ADK: variants seen among roughly 807,000 people sequenced by gnomAD.
ADK encodes adenosine kinase.
A neutral mutation model predicts 44.7 loss-of-function variants in ADK; 24 were observed. The observed-to-expected ratio is 0.54, with a 90% CI of 0.39 to 0.76. ADK has a LOEUF of 0.76. Ranked by LOEUF, ADK falls within the 30% of genes least tolerant of loss-of-function variation. The pLI is 0.00. For missense variants in ADK, 321 were observed against 425.1 expected (o/e 0.76, Z 2.15); for synonymous variants, 128 against 142.6 (o/e 0.90, Z 0.73).
chr10:74,208,572 C>T (rs1053438030), intron 2 of ADK, among the ~76,000 whole-genome samples: 4 of 152,062 alleles, frequency 2.6e-5, no homozygotes, highest in African/African-American at 9.7e-5. Flanking sequence ...TGGACCCTAA[C>T]AATAAAAGAG....
In ADK at chr10:74,567,697, TTG is replaced by T. The variant is rs1439859986; in HGVS notation, c.727-21583_727-21582del. Among the ~76,000 whole-genome samples, 405 of 130,694 alleles carry T rather than the reference TTG, an allele frequency of 3.1e-3. 8 individuals carry two copies. Among genetic ancestry groups the T allele is most frequent in the African/African-American group, 0.015 (379 of 26,000 alleles). The allele number at this position is 130,694 out of a possible 152,430, so 85.7% of individuals were successfully genotyped here. ...TCTCTCTCTGTTTTTTTTGTTTTTT[TTG>T]TTTTTTTTTTTTTTTTTGAGATGGA... On this transcript the variant is annotated intron_variant, in intron 7 of 10. Coordinates refer to ENST00000539909, the MANE Select transcript of ADK (RefSeq NM_006721.4).
At chr10:74,375,258 C>A (rs1842782299) in intron 4 of ADK, among the ~76,000 whole-genome samples, 1 of 152,036 alleles carries the variant, frequency 6.6e-6, no homozygotes, top group Non-Finnish European at 1.5e-5. Flanking sequence ...GCATTACCAT[C>A]CCCATAAATG....
chr10:74,415,330 T>C (rs1255573173), intron 6 of ADK, among the ~76,000 whole-genome samples: 1 of 152,340 alleles, frequency 6.6e-6, no homozygotes, highest in South Asian at 2.1e-4. Context: ...AAATGTTTAC[T>C]AAATCTCTTT....
At chr10:74,289,392 G>A (rs1318115729) in intron 3 of ADK, among the ~76,000 whole-genome samples, 1 of 152,032 alleles carries the variant, frequency 6.6e-6, no homozygotes, top group African/African-American at 2.4e-5. Context: ...AAACGCAGTA[G>A]GTACTCTGCT....
At chr10:74,302,096 TTTTTGTTTG>T (rs1840059823) in intron 3 of ADK, among the ~76,000 whole-genome samples, 1 of 61,906 alleles carries the variant, frequency 1.6e-5, no homozygotes, top group African/African-American at 5.6e-5. Flanking sequence ...TTCTGTTTTT[TTTTTGTTTG>T]TTTGTTTTTT....
At chr10:74,410,059 T>C (rs1473046659) in intron 6 of ADK, among the ~76,000 whole-genome samples, 2 of 152,192 alleles carry the variant, frequency 1.3e-5, no homozygotes, top group Non-Finnish European at 2.9e-5. Context: ...AATCATATGT[T>C]TGAAATTTTA....
At chr10:74,498,518 T>C (rs2133435646) in intron 6 of ADK, among the ~76,000 whole-genome samples, 1 of 152,390 alleles carries the variant, frequency 6.6e-6, no homozygotes, top group South Asian at 2.1e-4. Flanking sequence ...CTAATAACTC[T>C]ACACTTTATT....
chr10:74,640,345 G>T (rs994393337), intron 9 of ADK, among the ~76,000 whole-genome samples: 5 of 152,222 alleles, frequency 3.3e-5, no homozygotes, highest in African/African-American at 1.2e-4. Flanking sequence ...CAGTTTCTGT[G>T]CCAACACCAT....
intron 6 of ADK, among the ~76,000 whole-genome samples, chr10:74,498,696 G>GC (rs57657953): frequency 0.03 from 4,564 of 152,112 alleles, 191 homozygotes; most frequent in African/African-American, 0.092. Context: ...CCCACAACAG[G>GC]CCTTGTGTGT....
At chr10:74,330,179 A>C (rs920330336) in intron 4 of ADK, among the ~76,000 whole-genome samples, 1 of 152,094 alleles carries the variant, frequency 6.6e-6, no homozygotes, top group Non-Finnish European at 1.5e-5. Flanking sequence ...AAACCAAATA[A>C]TAATTTTTTA....
intron 8 of ADK, among the ~76,000 whole-genome samples, chr10:74,589,651 C>T (rs933587655): frequency 2.0e-5 from 3 of 152,152 alleles, no homozygotes; most frequent in African/African-American, 7.2e-5. Context: ...TCATTAGCTG[C>T]ATTACATTTC....
At chr10:74,470,495 T>C (rs1225549189) in intron 6 of ADK, among the ~76,000 whole-genome samples, 2 of 124,846 alleles carry the variant, frequency 1.6e-5, no homozygotes, top group African/African-American at 5.8e-5. Context: ...TTTTAATTTT[T>C]TGAGGATACT....
At chr10:74,458,481 T>C (rs528917595) in intron 6 of ADK, among the ~76,000 whole-genome samples, 1 of 152,136 alleles carries the variant, frequency 6.6e-6, no homozygotes, top group South Asian at 2.1e-4. Context: ...ATTTTTGAAA[T>C]AGATAACCAA....
At chr10:74,286,589 C>G (rs1273090372) in intron 3 of ADK, among the ~76,000 whole-genome samples, 3 of 152,204 alleles carry the variant, frequency 2.0e-5, no homozygotes, top group Non-Finnish European at 2.9e-5. Context: ...TTTTCACGTT[C>G]TCTAGTATTG....
chr10:74,318,670 A>G (rs772878576), intron 4 of ADK, among the ~76,000 whole-genome samples: 14 of 152,226 alleles, frequency 9.2e-5, no homozygotes, highest in Non-Finnish European at 1.9e-4. Flanking sequence ...ATGATAGCCA[A>G]TGTCTTTCAG....
intron 9 of ADK, among the ~76,000 whole-genome samples, chr10:74,644,837 A>G (rs1854000803): frequency 6.6e-6 from 1 of 152,100 alleles, no homozygotes; most frequent in Non-Finnish European, 1.5e-5. Flanking sequence ...GCCTGGTTTT[A>G]TTTTAAAAAA....
intron 1 of ADK, among the ~76,000 whole-genome samples, chr10:74,198,341 C>G (rs1288627284): frequency 6.6e-6 from 1 of 152,218 alleles, no homozygotes; most frequent in Non-Finnish European, 1.5e-5. Context: ...CTCCTCCACT[C>G]AGCTTTCTTT....
chr10:74,215,019 T>C (rs1190306800), intron 2 of ADK, among the ~76,000 whole-genome samples: 1 of 152,168 alleles, frequency 6.6e-6, no homozygotes, highest in Non-Finnish European at 1.5e-5. Flanking sequence ...TTTCACTCAG[T>C]TGTTCTCTTT....
intron 7 of ADK, among the ~76,000 whole-genome samples, chr10:74,570,552 A>G (rs1475268200): frequency 6.6e-6 from 1 of 152,152 alleles, no homozygotes; most frequent in African/African-American, 2.4e-5. Flanking sequence ...CTTTGAAGCA[A>G]TTGTGAATGG....
Sources: allele counts gnomAD v4.1 joint callset (sites outside exome capture counted in the v4.1 genomes callset), GRCh38; gene constraint gnomAD v4.1.1; transcripts MANE v1.5; gene names NCBI Gene and HGNC (gene_info 2026-07-23, HGNC 2026-07-21).